Variants in MTM1 observed in about 807,000 individuals in gnomAD.
MTM1 encodes the protein myotubularin.
In MTM1, 9 loss-of-function variants were observed where a neutral mutation model predicts 52.1. The observed-to-expected ratio is 0.17, with a 90% CI of 0.10 to 0.30. The LOEUF (loss-of-function observed/expected upper bound fraction) is 0.30, where lower values mean the gene tolerates loss of function less well. Ranked by LOEUF, MTM1 falls within the 10% of genes least tolerant of loss-of-function variation. The pLI is 1.00. For synonymous variants in MTM1, 136 were observed against 163.8 expected, an observed-to-expected ratio of 0.83 and a Z score of 1.29; for missense variants, 277 against 470.7, an observed-to-expected ratio of 0.59 and a Z score of 3.81.
intron 1 of MTM1, among the ~76,000 whole-genome samples, chrX:150,569,841 C>T (rs1261533989): frequency 8.9e-6 from 1 of 112,184 alleles, no homozygotes; most frequent in African/African-American, 3.2e-5. Flanking sequence ...GACACGTTTG[C>T]CTTCATCCAA....
At position 150,644,541 on chromosome X, in the gene MTM1, A is replaced by T. The variant is rs782801365; in HGVS notation, c.679-1142A>T. On this transcript the variant is annotated intron_variant, in intron 8 of 14. Coordinates refer to ENST00000370396, the MANE Select transcript of MTM1 (RefSeq NM_000252.3). ...TAAACATCAATGTTTGTCATTTGCCATCATGGGGTAGGTAACTTCAGAGAC... is the reference window on the plus strand; with the variant it reads ...TAAACATCAATGTTTGTCATTTGCCTTCATGGGGTAGGTAACTTCAGAGAC... Among the ~76,000 whole-genome samples, 6 of 112,203 alleles carry T rather than the reference A, an allele frequency of 5.3e-5. No individual in the cohort carries two copies. The East Asian group carries it at 1.7e-3, about 31-fold the overall frequency.
At chrX:150,593,729 G>C (rs2038927245) in intron 2 of MTM1, among the ~76,000 whole-genome samples, 1 of 111,846 alleles carries the variant, frequency 8.9e-6, no homozygotes, top group African/African-American at 3.3e-5. Flanking sequence ...ACTTTAGGAG[G>C]CCAAGGTGGG....
At chrX:150,647,520 T>G (rs981146017) in intron 9 of MTM1, among the ~76,000 whole-genome samples, 20 of 111,848 alleles carry the variant, frequency 1.8e-4, no homozygotes, top group Non-Finnish European at 2.8e-4. Context: ...GTCTCTCCGC[T>G]AGTCGCTAAT....
At chrX:150,658,743 T>C (rs1377473402) in intron 11 of MTM1, among the ~76,000 whole-genome samples, 1 of 112,208 alleles carries the variant, frequency 8.9e-6, no homozygotes, top group East Asian at 2.8e-4. Flanking sequence ...ATCTGTAGGC[T>C]ACCCTTTCAG....
chrX:150,598,523 T>C, intron 3 of MTM1, 69 bp from the exon 4 acceptor site: 1 of 631,766 alleles, frequency 1.6e-6, no homozygotes, highest in East Asian at 3.3e-5. Context: ...TTATATTAAA[T>C]TAGTGCCATT....
intron 8 of MTM1, among the ~76,000 whole-genome samples, chrX:150,641,627 A>G (rs968347378): frequency 1.4e-4 from 16 of 111,541 alleles, no homozygotes; most frequent in Non-Finnish European, 2.6e-4. Context: ...TCAAGAATGA[A>G]CGCAAGTAAA....
chrX:150,595,522 G>A (rs1444278126), intron 2 of MTM1, among the ~76,000 whole-genome samples: 3 of 112,020 alleles, frequency 2.7e-5, no homozygotes, highest in Admixed American at 1.9e-4. Context: ...CTGCTCTAAC[G>A]GAAGCATGAG....
At chrX:150,590,183 A>G (rs1420030388) in intron 1 of MTM1, among the ~76,000 whole-genome samples, 1 of 111,866 alleles carries the variant, frequency 8.9e-6, no homozygotes, top group Non-Finnish European at 1.9e-5. Flanking sequence ...GGGATCAATC[A>G]AAACCATTCA....
At chrX:150,597,435 T>A (rs1288277662) in intron 3 of MTM1, among the ~76,000 whole-genome samples, 1 of 112,255 alleles carries the variant, frequency 8.9e-6, no homozygotes, top group Non-Finnish European at 1.9e-5. Flanking sequence ...TCCCAATTTC[T>A]GGATAAGAGC....
intron 8 of MTM1, among the ~76,000 whole-genome samples, chrX:150,642,135 A>T (rs1358034030): frequency 8.9e-6 from 1 of 111,827 alleles, no homozygotes; most frequent in Admixed American, 9.5e-5. Flanking sequence ...AGGTTGAAGA[A>T]ATTAAGACTT....
At chrX:150,585,783 T>C (rs1435472806) in intron 1 of MTM1, among the ~76,000 whole-genome samples, 1 of 112,360 alleles carries the variant, frequency 8.9e-6, no homozygotes, top group Non-Finnish European at 1.9e-5. Flanking sequence ...CCTTTGTACA[T>C]TAAAAACAGA....
chrX:150,563,424 C>T (rs1438277810), upstream of MTM1, among the ~76,000 whole-genome samples: 3 of 101,194 alleles, frequency 3.0e-5, no homozygotes, highest in East Asian at 6.6e-4. Context: ...AAGCGATTCT[C>T]CTGACTCAGT....
intron 10 of MTM1, among the ~76,000 whole-genome samples, chrX:150,651,527 A>T (rs1189278913): frequency 1.9e-5 from 2 of 104,167 alleles, no homozygotes; most frequent in African/African-American, 7.1e-5. Flanking sequence ...GGTGAGGATG[A>T]CAAATTCATA....
chrX:150,668,974 C>T (rs1334632703), intron 14 of MTM1, among the ~76,000 whole-genome samples: 1 of 109,984 alleles, frequency 9.1e-6, no homozygotes, highest in African/African-American at 3.3e-5. Context: ...CATAGGTATA[C>T]GTGTGCCATA....
intron 14 of MTM1, among the ~76,000 whole-genome samples, chrX:150,663,815 ATAT>A (rs1472131075): frequency 1.8e-5 from 2 of 111,888 alleles, no homozygotes; most frequent in Non-Finnish European, 3.8e-5. Context: ...TGCCAATGTG[ATAT>A]AATTGTTTAC....
At chrX:150,614,778 G>T in intron 5 of MTM1, 79 bp downstream of exon 5, 1 of 439,921 alleles carries the variant, frequency 2.3e-6, no homozygotes. Flanking sequence ...ATGTGGATTT[G>T]AAAAAAAAAA....
At position 150,661,458 on chromosome X, in the gene MTM1, AATCATC is replaced by A. The variant is rs1306942403; in HGVS notation, c.1467+977_1467+982del. On this transcript the variant is annotated intron_variant, in intron 13 of 14. Transcript: ENST00000370396. ...TTGGGTACATATCTAAAGGAAATGA[AATCATC>A]ATGTCAAAGAGGTTATCTGCAATCT... is the stretch of plus-strand genomic sequence containing the variant. Among the ~76,000 whole-genome samples, 136 of 112,261 alleles carry A rather than the reference AATCATC, an allele frequency of 1.2e-3. 1 individual carries two copies. The highest frequency in any genetic ancestry group is 1.6e-3 in the Non-Finnish European group (87 of 53,239).
At chrX:150,574,621 A>C (rs2038437802) in intron 1 of MTM1, among the ~76,000 whole-genome samples, 2 of 112,468 alleles carry the variant, frequency 1.8e-5, no homozygotes, top group Non-Finnish European at 3.8e-5. Flanking sequence ...TCATCGACAT[A>C]ATAATGACAC....
At chrX:150,631,386 G>A (rs781962195) in intron 6 of MTM1, among the ~76,000 whole-genome samples, 8 of 111,745 alleles carry the variant, frequency 7.2e-5, no homozygotes, top group Non-Finnish European at 1.5e-4. Context: ...TCTCAGCCAG[G>A]CGTGGTGAGT....
Sources: allele counts gnomAD v4.1 joint callset (sites outside exome capture counted in the v4.1 genomes callset), GRCh38; gene constraint gnomAD v4.1.1; transcripts MANE v1.5; gene names NCBI Gene and HGNC (gene_info 2026-07-23, HGNC 2026-07-21).